Variants in RDH8 observed in about 807,000 individuals in gnomAD.
RDH8 encodes photoreceptor outer segment all-trans retinol dehydrogenase.
In RDH8, 14 loss-of-function variants were observed where a neutral mutation model predicts 22.3. The ratio of observed to expected loss-of-function variants is 0.63; its 90% CI spans 0.42 to 0.98. The LOEUF (loss-of-function observed/expected upper bound fraction) is 0.98, where lower values mean the gene tolerates loss of function less well. RDH8 is among the 50% of genes least tolerant of loss of function. RDH8 has a pLI of 0.00. For synonymous variants in RDH8, 175 were observed against 171.7 expected, an observed-to-expected ratio of 1.02 and a Z score of -0.15; for missense variants, 389 against 409.8, an observed-to-expected ratio of 0.95 and a Z score of 0.44.
chr19:10,021,714 T>G lies in RDH8; in HGVS notation c.901T>G (p.Cys301Gly). The change falls in exon 6 of 6, where the codon TGC (cysteine) becomes GGC (glycine). Residue 301 changes from cysteine (C) to glycine (G), a missense_variant. Transcript: ENST00000591589. ...CAACCTTGGCCTTCAATGTCTGTCC[T>G]GCGGCTGCCTCCCAACGCGGGTGCG... ...LLNLGLQCLS[C>G]GCLPTRVRPR 1 of 1,614,004 alleles carries G rather than the reference T, an allele frequency of 6.2e-7. No individual in the cohort carries two copies. The highest frequency in any genetic ancestry group is 2.2e-5 in the East Asian group (1 of 44,888).
Position 10,018,724 on chromosome 19 carries a change from C to A in RDH8, c.263-7C>A. ...TTTAAGGTAACCCTTAGTACCTCTT[C>A]TCTTAGTGAATAATGCTGGAATGGG... is the stretch of plus-strand genomic sequence containing the variant. On this transcript the variant is annotated splice_region_variant and splice_polypyrimidine_tract_variant and intron_variant, in intron 2 of 5. Coordinates refer to ENST00000591589, the MANE Select transcript of RDH8 (RefSeq NM_015725.4). The A allele has an allele frequency of 6.3e-7, 1 of 1,593,584 alleles. No homozygotes were observed. The highest frequency in any genetic ancestry group is 1.1e-5 in the South Asian group (1 of 88,872).
rs150712129 is a variant in RDH8 at position 10,013,581 on chromosome 19, C to T, written c.84C>T (p.Asp28=). ...AACTTGCAGTGCAACTGGCCCATGA[C>T]CCCAAGAAGCGCTACCAGGGTAAGA... The part of the protein sequence containing the change: ...GLELAVQLAH[D]PKKRYQVVAT... Residue 28 remains aspartate (D), a synonymous_variant, in exon 1 of 6, where the codon GAC becomes GAT. Coordinates refer to ENST00000591589, the MANE Select transcript of RDH8 (RefSeq NM_015725.4). 61 of 1,613,838 alleles carry T rather than the reference C, an allele frequency of 3.8e-5. No homozygotes were observed. The highest frequency in any genetic ancestry group is 3.3e-4 in the Middle Eastern group (2 of 6,084).
rs756327126 is a variant in RDH8, at chr19:10,021,243, C to A, written c.537-12C>A. ...GGGCATCAGACTTACACTACCCATG[C>A]CTGGTCGCCAGCATCTCCCTGGTGG... On this transcript the variant is annotated splice_polypyrimidine_tract_variant and intron_variant, in intron 4 of 5. Transcript: ENST00000591589. The A allele has an allele frequency of 1.2e-6, 2 of 1,613,796 alleles. No homozygotes were observed. The highest frequency in any genetic ancestry group is 2.2e-5 in the South Asian group (2 of 91,044).
In RDH8 at chr19:10,021,801, C is replaced by A; in HGVS notation, c.*52C>A. 1 of 1,534,144 alleles carries A rather than the reference C, an allele frequency of 6.5e-7. No individual in the cohort carries two copies. Among genetic ancestry groups the A allele is most frequent in the Non-Finnish European group, 8.9e-7 (1 of 1,117,526 alleles). On this transcript the variant is annotated 3_prime_UTR_variant, in exon 6 of 6. Coordinates refer to ENST00000591589, the MANE Select transcript of RDH8 (RefSeq NM_015725.4). ...CCCTGAACAACCAGACCTCTTCATT[C>A]CACATCTAATTCAAAGGATGAACAG...
intron 2 of RDH8, among the ~76,000 whole-genome samples, chr19:10,017,840 T>C (rs1270840942): frequency 6.6e-6 from 1 of 151,962 alleles, no homozygotes; most frequent in African/African-American, 2.4e-5. Context: ...GAGACGAGGT[T>C]TCACCGTGTT....
rs1051109906 is a variant in RDH8, at chr19:10,015,402, G to A, written c.104-1655G>A. ...TGTGGGGTGGAGCTTGCAGTGAGTCGAGATCATGCCACTGCACTCCAGCCT... is the reference window on the plus strand; with the variant it reads ...TGTGGGGTGGAGCTTGCAGTGAGTCAAGATCATGCCACTGCACTCCAGCCT... On this transcript the variant is annotated intron_variant, in intron 1 of 5. Transcript: ENST00000591589. Among the ~76,000 whole-genome samples the A allele has an allele frequency of 3.3e-5, 5 of 152,018 alleles. No homozygotes were observed. The South Asian group carries it at 8.3e-4, about 25-fold the overall frequency.
rs1226248015 is a variant in RDH8 at position 10,021,593 on chromosome 19, C to G, written c.780C>G (p.Arg260=). 1.2e-6 allele frequency: 2 copies of G among 1,614,228 alleles called. No homozygotes were observed. The highest frequency in any genetic ancestry group is 2.2e-5 in the South Asian group (2 of 91,086). ...CCCTGCGCCGACAGACCAACATCCG[C>G]TACTCGCCGCTGACCACGCTCAAAA... is the stretch of plus-strand genomic sequence containing the variant. ...RPPLRRQTNI[R]YSPLTTLKTV... Residue 260 remains arginine (R), a synonymous_variant, in exon 6 of 6, where the codon CGC becomes CGG. Coordinates refer to ENST00000591589, the MANE Select transcript of RDH8 (RefSeq NM_015725.4).
chr19:10,018,658 T>C (rs149846505), intron 2 of RDH8, 73 bp from the exon 3 acceptor site: 72 of 1,285,060 alleles, frequency 5.6e-5, no homozygotes, highest in Non-Finnish European at 6.9e-5. Context: ...GGTGAGGTGC[T>C]TCAGGGAGTG....
At chr19:10,018,525 C>T (rs1205242244) in intron 2 of RDH8, among the ~76,000 whole-genome samples, 1 of 152,154 alleles carries the variant, frequency 6.6e-6, no homozygotes, top group Non-Finnish European at 1.5e-5. Flanking sequence ...TTCCCAGCAG[C>T]CCTTCCTCCC....
intron 1 of RDH8, among the ~76,000 whole-genome samples, chr19:10,015,912 C>T (rs974117426): frequency 5.9e-5 from 9 of 151,486 alleles, no homozygotes; most frequent in Non-Finnish European, 1.3e-4. Context: ...AGATTGCACC[C>T]CTGTACTCCA....
At position 10,021,537 on chromosome 19, in the gene RDH8, A is replaced by C. The variant is rs2087659321; in HGVS notation, c.724A>C (p.Ile242Leu). ...GCTCAGGGCCTCCATTCTGCAGGCC[A>C]TTGTCAACGTCATCAGCTCGACTCG... ...GQNPQDVVQA[I>L]VNVISSTRPP... Residue 242 changes from isoleucine to leucine, a missense_variant, in exon 6 of 6, where the codon ATT becomes CTT. By Grantham distance (5) the Ile-to-Leu change is conservative (BLOSUM62 2). Coordinates refer to ENST00000591589, the MANE Select transcript of RDH8 (RefSeq NM_015725.4). 8 of 1,614,052 alleles carry C rather than the reference A, an allele frequency of 5.0e-6. No homozygotes were observed. The highest frequency in any genetic ancestry group is 1.6e-4 in the Middle Eastern group (1 of 6,062).
At chr19:10,020,358 G>GAGGGAGCGAGGGAGGA (rs760823041) in intron 3 of RDH8, among the ~76,000 whole-genome samples, 1 of 134,042 alleles carries the variant, frequency 7.5e-6, no homozygotes, top group Non-Finnish European at 1.6e-5. Context: ...GGGAGGGAGG[G>GAGGGAGCGAGGGAGGA]AGGAAGGAAG....
At chr19:10,013,655 C>T (rs2087587438) in intron 1 of RDH8, 55 bp downstream of exon 1, 4 of 1,584,578 alleles carry the variant, frequency 2.5e-6, no homozygotes, top group Non-Finnish European at 3.5e-6. Context: ...GCTTCCCCAG[C>T]ACTGTCTCCC....
chr19:10,013,487 A>AG lies in RDH8; in HGVS notation c.-7dup, dbSNP rs1210980729. ...CCCGGCGGAGGTCACGAGTCCAGGG[A>AG]GGGGATCAACATGGCCGCTGCACCC... On this transcript the variant is annotated 5_prime_UTR_variant, in exon 1 of 6. Transcript: ENST00000591589. 1 of 1,611,704 alleles carries AG rather than the reference A, an allele frequency of 6.2e-7. No homozygotes were observed. Among genetic ancestry groups the AG allele is most frequent in the Non-Finnish European group, 8.5e-7 (1 of 1,179,988 alleles).
intron 1 of RDH8, among the ~76,000 whole-genome samples, chr19:10,014,187 G>C (rs901696098): frequency 6.6e-6 from 1 of 152,182 alleles, no homozygotes; most frequent in African/African-American, 2.4e-5. Context: ...GAGAACCCCT[G>C]ACCCAGAGGG....
chr19:10,018,926 C>A lies in RDH8; in HGVS notation c.442+16C>A. 1 of 1,580,858 alleles carries A rather than the reference C, an allele frequency of 6.3e-7. No homozygotes were observed. Among genetic ancestry groups the A allele is most frequent in the Non-Finnish European group, 8.6e-7 (1 of 1,158,724 alleles). On this transcript the variant is annotated intron_variant, in intron 3 of 5. Transcript: ENST00000591589. ...GGCCTGCAGGGTGAGCTGTGGGGAC[C>A]CAACCCTGGAAATCCCACCAGTGTC...
chr19:10,018,922 G>A lies in RDH8; in HGVS notation c.442+12G>A. On this transcript the variant is annotated intron_variant, in intron 3 of 5. Transcript: ENST00000591589. ...CATGGGCCTGCAGGGTGAGCTGTGG[G>A]GACCCAACCCTGGAAATCCCACCAG... The A allele has an allele frequency of 6.3e-7, 1 of 1,587,476 alleles. No individual in the cohort carries two copies. Among genetic ancestry groups the A allele is most frequent in the Non-Finnish European group, 8.6e-7 (1 of 1,162,604 alleles).
At chr19:10,015,863 A>G (rs2087609786) in intron 1 of RDH8, among the ~76,000 whole-genome samples, 1 of 151,392 alleles carries the variant, frequency 6.6e-6, no homozygotes, top group Non-Finnish European at 1.5e-5. Flanking sequence ...GAGGCAGGGG[A>G]ATTGCTTGAA....
At chr19:10,015,255 C>T (rs916433513) in intron 1 of RDH8, among the ~76,000 whole-genome samples, 1 of 151,918 alleles carries the variant, frequency 6.6e-6, no homozygotes, top group Non-Finnish European at 1.5e-5. Flanking sequence ...AGTTTGAGAC[C>T]AGCCTGGCCA....
Sources: allele counts gnomAD v4.1 joint callset (sites outside exome capture counted in the v4.1 genomes callset), GRCh38; gene constraint gnomAD v4.1.1; transcripts MANE v1.5; gene names NCBI Gene and HGNC (gene_info 2026-07-23, HGNC 2026-07-21).